Variants in ARHGEF4 observed in about 807,000 individuals in gnomAD.
The protein encoded by ARHGEF4 is Rho guanine nucleotide exchange factor 4.
Under a neutral mutation model 162.0 loss-of-function variants are expected in ARHGEF4, and 119 were observed. That is an observed-to-expected ratio of 0.73 (90% CI 0.63 to 0.86). The LOEUF (loss-of-function observed/expected upper bound fraction) is 0.86. Ranked by LOEUF, ARHGEF4 falls within the 40% of genes least tolerant of loss-of-function variation. ARHGEF4 has a pLI of 0.00. For missense variants in ARHGEF4, 2,488 were observed against 2,456.0 expected, an observed-to-expected ratio of 1.01 and a Z score of -0.28; for synonymous variants, 1,014 against 979.9, an observed-to-expected ratio of 1.03 and a Z score of -0.65.
intron 2 of ARHGEF4, among the ~76,000 whole-genome samples, chr2:130,924,608 C>T (rs373118866): frequency 6.2e-4 from 94 of 152,232 alleles, no homozygotes; most frequent in African/African-American, 2.2e-3. Context: ...AGATTTCTTT[C>T]CTCTGGGATT....
intron 1 of ARHGEF4, among the ~76,000 whole-genome samples, chr2:130,897,839 T>TG (rs1462309930): frequency 6.7e-6 from 1 of 149,392 alleles, no homozygotes; most frequent in Non-Finnish European, 1.5e-5. Context: ...GATTCAGCAC[T>TG]GGGGGTGAGG....
At chr2:130,926,288 A>G (rs968141298) in intron 2 of ARHGEF4, among the ~76,000 whole-genome samples, 3 of 151,414 alleles carry the variant, frequency 2.0e-5, no homozygotes, top group Admixed American at 1.3e-4. Flanking sequence ...GAGCTGTTCT[A>G]TTTTTCATTT....
At chr2:131,037,627 C>G (rs1475848058) in intron 5 of ARHGEF4, among the ~76,000 whole-genome samples, 1 of 152,222 alleles carries the variant, frequency 6.6e-6, no homozygotes, top group African/African-American at 2.4e-5. Flanking sequence ...CTCCTCCTCT[C>G]CTGCCCTAAG....
At chr2:130,978,192 C>T (rs555273632) in intron 4 of ARHGEF4, among the ~76,000 whole-genome samples, 1 of 152,156 alleles carries the variant, frequency 6.6e-6, no homozygotes, top group Admixed American at 6.5e-5. Flanking sequence ...TTCAGTCCCC[C>T]CTTTCTATTT....
intron 4 of ARHGEF4, among the ~76,000 whole-genome samples, chr2:130,987,171 C>A (rs569909668): frequency 6.6e-6 from 1 of 152,326 alleles, no homozygotes; most frequent in East Asian, 1.9e-4. Flanking sequence ...GTACCACACA[C>A]CATCTGGGCA....
At chr2:130,946,420 C>A in intron 3 of ARHGEF4, 89 bp from the exon 4 acceptor site, 2 of 1,485,770 alleles carry the variant, frequency 1.3e-6, no homozygotes, top group Admixed American at 2.1e-5. Context: ...AATGAAAAGT[C>A]CTCAGCAATT....
chr2:130,987,186 G>A (rs1012777233), intron 4 of ARHGEF4, among the ~76,000 whole-genome samples: 3 of 152,218 alleles, frequency 2.0e-5, no homozygotes, highest in Non-Finnish European at 1.5e-5. Context: ...TGGGCAGGTC[G>A]TGGGGAGCTG....
chr2:130,978,827 A>G (rs1285583908), intron 4 of ARHGEF4, among the ~76,000 whole-genome samples: 1 of 151,692 alleles, frequency 6.6e-6, no homozygotes, highest in South Asian at 2.1e-4. Context: ...CAAAAGCCAT[A>G]AAAAAAATTA....
intron 3 of ARHGEF4, among the ~76,000 whole-genome samples, chr2:130,941,392 C>T (rs376562883): frequency 1.4e-4 from 22 of 151,806 alleles, no homozygotes; most frequent in African/African-American, 5.1e-4. Flanking sequence ...TTAGTAGAGA[C>T]AGGATTTTAC....
intron 1 of ARHGEF4, among the ~76,000 whole-genome samples, chr2:130,879,059 G>T (rs1489036234): frequency 6.6e-6 from 1 of 152,224 alleles, no homozygotes; most frequent in African/African-American, 2.4e-5. Context: ...CACCACGGAA[G>T]AGCAAAGAAG....
intron 1 of ARHGEF4, among the ~76,000 whole-genome samples, chr2:130,884,625 C>T (rs1019482603): frequency 2.6e-5 from 4 of 152,070 alleles, no homozygotes; most frequent in Non-Finnish European, 4.4e-5. Flanking sequence ...CTGTTCTGAG[C>T]GTTCATCCTC....
chr2:131,039,710 G>A (rs1690611293), intron 6 of ARHGEF4: 14 of 1,287,192 alleles, frequency 1.1e-5, no homozygotes, highest in Admixed American at 4.0e-5. Context: ...GCTGGCAGGA[G>A]CAGGCACTGG....
At chr2:130,940,272 A>G (rs7580945) in intron 3 of ARHGEF4, among the ~76,000 whole-genome samples, 192 of 152,026 alleles carry the variant, frequency 1.3e-3, no homozygotes, top group African/African-American at 4.5e-3. Flanking sequence ...GTGTAGATGG[A>G]ACATAAGGAA....
At chr2:130,841,893 G>T (rs1680635481) in intron 1 of ARHGEF4, among the ~76,000 whole-genome samples, 1 of 152,218 alleles carries the variant, frequency 6.6e-6, no homozygotes, top group Non-Finnish European at 1.5e-5. Context: ...TCACCTGCCG[G>T]CTCTTGGACT....
At chr2:130,839,711 A>G (rs1400400248) in intron 1 of ARHGEF4, among the ~76,000 whole-genome samples, 1 of 152,168 alleles carries the variant, frequency 6.6e-6, no homozygotes. Context: ...TCAAAAATCC[A>G]GAGGCCCTCC....
rs539277067 is a variant in ARHGEF4, at chr2:130,885,821, C to T, written c.40-28165C>T. ...TCCTGACCTAGTGATCCACCCATCT[C>T]GGCCTCCCAAAGTAATGGGACTACA... On this transcript the variant is annotated intron_variant, in intron 1 of 13. Transcript: ENST00000409359. Among the ~76,000 whole-genome samples, 160 of 151,576 alleles carry T rather than the reference C, an allele frequency of 1.1e-3. 6 individuals are homozygous for T. The highest frequency in any genetic ancestry group is 3.5e-3 in the African/African-American group (146 of 41,188).
chr2:130,972,894 G>T (rs1173347315), intron 4 of ARHGEF4, among the ~76,000 whole-genome samples: 1 of 152,174 alleles, frequency 6.6e-6, no homozygotes, highest in South Asian at 2.1e-4. Context: ...TACTTTCAAA[G>T]AAGATAGTTA....
At chr2:130,880,831 AT>A (rs769216855) in intron 1 of ARHGEF4, among the ~76,000 whole-genome samples, 8,810 of 144,984 alleles carry the variant, frequency 0.061, 206 homozygotes, top group African/African-American at 0.07. Context: ...ACCCGGCCAA[AT>A]TTTTTTTTTT....
chr2:130,999,339 G>A (rs1341214631), intron 4 of ARHGEF4, among the ~76,000 whole-genome samples: 1 of 151,820 alleles, frequency 6.6e-6, no homozygotes, highest in Non-Finnish European at 1.5e-5. Context: ...TGTATTTTTA[G>A]TAGAGACGGG....
Sources: allele counts gnomAD v4.1 joint callset (sites outside exome capture counted in the v4.1 genomes callset), GRCh38; gene constraint gnomAD v4.1.1; transcripts MANE v1.5; gene names NCBI Gene and HGNC (gene_info 2026-07-23, HGNC 2026-07-21).